CHRM2: variants seen among roughly 807,000 people sequenced by gnomAD.
CHRM2 encodes the protein cholinergic receptor muscarinic 2, also known as muscarinic acetylcholine receptor M2.
Under a neutral mutation model 25.0 loss-of-function variants are expected in CHRM2, and 8 were observed. The observed-to-expected ratio is 0.32, with a 90% CI of 0.19 to 0.58. The LOEUF is 0.58. Among genes scored for constraint, CHRM2 ranks in the 20% least tolerant of loss-of-function variants. The pLI is 0.88. For synonymous variants in CHRM2, 202 were observed against 205.7 expected, an observed-to-expected ratio of 0.98 and a Z score of 0.15; for missense variants, 440 against 567.1, an observed-to-expected ratio of 0.78 and a Z score of 2.28.
chr7:136,944,852 T>C (rs762735433), intron 2 of CHRM2, among the ~76,000 whole-genome samples: 1 of 152,050 alleles, frequency 6.6e-6, no homozygotes, highest in Non-Finnish European at 1.5e-5. Flanking sequence ...ATCAGCCTAA[T>C]AGTTTACATT....
At chr7:136,996,163 T>C (rs1392233768) in intron 3 of CHRM2, among the ~76,000 whole-genome samples, 2 of 151,970 alleles carry the variant, frequency 1.3e-5, no homozygotes, top group Non-Finnish European at 2.9e-5. Flanking sequence ...ATTCTAAATA[T>C]AGTTTATATA....
intron 2 of CHRM2, among the ~76,000 whole-genome samples, chr7:136,917,949 G>A (rs1798214743): frequency 6.6e-6 from 1 of 152,040 alleles, no homozygotes; most frequent in Non-Finnish European, 1.5e-5. Flanking sequence ...AATCCATCAT[G>A]GAGCAGACAT....
intron 2 of CHRM2, among the ~76,000 whole-genome samples, chr7:136,922,508 C>T (rs1028270382): frequency 6.6e-6 from 1 of 152,130 alleles, no homozygotes; most frequent in African/African-American, 2.4e-5. Flanking sequence ...GATCTTCTGC[C>T]ATAGCTTACT....
chr7:137,001,407 G>C (rs143848594), intron 3 of CHRM2, among the ~76,000 whole-genome samples: 2,413 of 152,266 alleles, frequency 0.016, 71 homozygotes, highest in African/African-American at 0.055. Context: ...AAGAGCCAGA[G>C]GCAAGCTGTT....
At chr7:136,937,334 T>C (rs547390965) in intron 2 of CHRM2, among the ~76,000 whole-genome samples, 12 of 152,186 alleles carry the variant, frequency 7.9e-5, no homozygotes, top group African/African-American at 2.9e-4. Context: ...AAACAAGAAG[T>C]CAAACTGAAT....
chr7:137,008,625 A>G (rs1019913995), intron 3 of CHRM2, among the ~76,000 whole-genome samples: 3 of 152,102 alleles, frequency 2.0e-5, no homozygotes, highest in Non-Finnish European at 2.9e-5. Flanking sequence ...TTTTTTGATA[A>G]TGTGTTCAAA....
chr7:136,995,280 A>G (rs1426498924), intron 3 of CHRM2, among the ~76,000 whole-genome samples: 4 of 152,188 alleles, frequency 2.6e-5, no homozygotes, highest in African/African-American at 9.6e-5. Context: ...GGTCGACCTT[A>G]GCAAGATATA....
chr7:136,895,700 C>A (rs556824169), intron 2 of CHRM2, among the ~76,000 whole-genome samples: 1 of 152,288 alleles, frequency 6.6e-6, no homozygotes, highest in South Asian at 2.1e-4. Context: ...CCCTCCTCAC[C>A]CTACTCCTCG....
intron 3 of CHRM2, among the ~76,000 whole-genome samples, chr7:136,996,645 G>A (rs1803622903): frequency 6.6e-6 from 1 of 152,064 alleles, no homozygotes; most frequent in South Asian, 2.1e-4. Flanking sequence ...ATATGCTAGA[G>A]TAAAAAATTA....
intron 2 of CHRM2, among the ~76,000 whole-genome samples, chr7:136,932,714 G>A (rs1563074407): frequency 6.6e-6 from 1 of 152,164 alleles, no homozygotes; most frequent in Admixed American, 6.5e-5. Context: ...GAGTTAGTCT[G>A]ATTTATTGGA....
chr7:136,977,676 G>A (rs538555313), intron 2 of CHRM2, among the ~76,000 whole-genome samples: 1 of 152,154 alleles, frequency 6.6e-6, no homozygotes, highest in Non-Finnish European at 1.5e-5. Context: ...CTAACGGTAG[G>A]CTATCATTTC....
chr7:136,947,669 C>T (rs1009083089), intron 2 of CHRM2, among the ~76,000 whole-genome samples: 7 of 152,080 alleles, frequency 4.6e-5, no homozygotes, highest in South Asian at 2.1e-4. Context: ...AAAATGATTA[C>T]TCCTAATTTT....
chr7:136,963,759 A>G (rs570902836), intron 2 of CHRM2, among the ~76,000 whole-genome samples: 1 of 152,222 alleles, frequency 6.6e-6, no homozygotes, highest in African/African-American at 2.4e-5. Context: ...TTAAATCAAA[A>G]TCACTTATGT....
intron 2 of CHRM2, among the ~76,000 whole-genome samples, chr7:136,966,679 C>T (rs324586): frequency 6.6e-6 from 1 of 151,516 alleles, no homozygotes; most frequent in African/African-American, 2.4e-5. Context: ...TAATACAAAC[C>T]GTAATACACA....
intron 2 of CHRM2, among the ~76,000 whole-genome samples, chr7:136,964,283 A>G (rs1801278646): frequency 6.6e-6 from 1 of 152,142 alleles, no homozygotes; most frequent in Admixed American, 6.5e-5. Context: ...ACACATCCAT[A>G]TATTATTGCT....
At chr7:136,903,019 G>A (rs866338759) in intron 2 of CHRM2, 20 of 476,020 alleles carry the variant, frequency 4.2e-5, no homozygotes, top group South Asian at 3.0e-4. Context: ...ATTATGGCCA[G>A]CAACTTTAAA....
intron 3 of CHRM2, among the ~76,000 whole-genome samples, chr7:137,003,149 T>C (rs1343187047): frequency 6.6e-6 from 1 of 152,120 alleles, no homozygotes; most frequent in Non-Finnish European, 1.5e-5. Context: ...TTGCATCCCC[T>C]ATACAGCATG....
chr7:136,958,548 C>T (rs540911396), intron 2 of CHRM2, among the ~76,000 whole-genome samples: 46 of 150,110 alleles, frequency 3.1e-4, no homozygotes, highest in African/African-American at 9.3e-4. Flanking sequence ...CTCTACCTCC[C>T]GGGGCTAAAG....
chr7:136,909,574 C>A (rs970571582), intron 2 of CHRM2, among the ~76,000 whole-genome samples: 2 of 151,876 alleles, frequency 1.3e-5, no homozygotes, highest in Non-Finnish European at 2.9e-5. Flanking sequence ...AAAAATTCAG[C>A]TGCAGATGTC....
Sources: gnomAD v4.1 joint callset for allele counts (sites outside exome capture counted in the v4.1 genomes callset) on GRCh38, gnomAD v4.1.1 for gene constraint, MANE v1.5 for transcripts, NCBI Gene and HGNC (gene_info 2026-07-23, HGNC 2026-07-21) for gene names.